Variants in SGK3 observed in about 807,000 individuals in gnomAD.
The protein encoded by SGK3 is serine/threonine-protein kinase Sgk3.
Under a neutral mutation model 68.5 loss-of-function variants are expected in SGK3, and 47 were observed. The ratio of observed to expected loss-of-function variants is 0.69; its 90% CI spans 0.54 to 0.87. SGK3 has a LOEUF of 0.87. SGK3 is among the 40% of genes least tolerant of loss of function. SGK3 has a pLI of 0.00. For missense variants in SGK3, 479 were observed against 575.5 expected (o/e 0.83, Z 1.72); for synonymous variants, 181 against 189.1 (o/e 0.96, Z 0.35).
chr8:66,832,475 T>C (rs1809341740), intron 8 of SGK3, among the ~76,000 whole-genome samples: 1 of 152,168 alleles, frequency 6.6e-6, no homozygotes, highest in Admixed American at 6.6e-5. Flanking sequence ...TCAGCAAATA[T>C]ATATTATCCA....
chr8:66,725,581 A>G (rs901828222), intron 1 of SGK3, among the ~76,000 whole-genome samples: 3 of 151,956 alleles, frequency 2.0e-5, no homozygotes, highest in Non-Finnish European at 4.4e-5. Flanking sequence ...AAATAGATCT[A>G]TATATATCTA....
At chr8:66,750,345 C>T (rs1421244612) in intron 1 of SGK3, among the ~76,000 whole-genome samples, 2 of 152,066 alleles carry the variant, frequency 1.3e-5, no homozygotes, top group African/African-American at 4.8e-5. Context: ...TCCCTTCCTT[C>T]CTAGTTCTCT....
chr8:66,812,128 T>C (rs2130637544), intron 4 of SGK3, among the ~76,000 whole-genome samples: 1 of 152,372 alleles, frequency 6.6e-6, no homozygotes, highest in East Asian at 1.9e-4. Context: ...CTATACATTA[T>C]ACCTTTATTC....
chr8:66,730,817 G>A (rs1451832055), intron 1 of SGK3, among the ~76,000 whole-genome samples: 2 of 151,332 alleles, frequency 1.3e-5, no homozygotes, highest in African/African-American at 4.9e-5. Context: ...AGCTGGGATT[G>A]CAGGTGCCCA....
At chr8:66,794,805 A>T (rs1807609390) in intron 2 of SGK3, among the ~76,000 whole-genome samples, 2 of 152,208 alleles carry the variant, frequency 1.3e-5, no homozygotes, top group African/African-American at 4.8e-5. Context: ...TCGTCCCTCT[A>T]GATCTTTGCC....
chr8:66,750,509 AT>A (rs1218805958), intron 1 of SGK3, among the ~76,000 whole-genome samples: 2 of 151,864 alleles, frequency 1.3e-5, no homozygotes, highest in African/African-American at 4.8e-5. Flanking sequence ...TTTGATGAGG[AT>A]TGGTTCGTAT....
At chr8:66,847,864 C>CTT (rs34161130) in intron 15 of SGK3, among the ~76,000 whole-genome samples, 17 of 111,130 alleles carry the variant, frequency 1.5e-4, no homozygotes, top group South Asian at 3.0e-4. Flanking sequence ...CACTAAGTCA[C>CTT]TTTTTTTTTT....
At chr8:66,816,093 G>C (rs2130650420) in intron 5 of SGK3, among the ~76,000 whole-genome samples, 1 of 150,894 alleles carries the variant, frequency 6.6e-6, no homozygotes, top group South Asian at 2.1e-4. Flanking sequence ...TCTGCCTCCT[G>C]GGTTCATGCC....
intron 1 of SGK3, among the ~76,000 whole-genome samples, chr8:66,729,252 C>T (rs1310908681): frequency 6.9e-6 from 1 of 145,460 alleles, no homozygotes; most frequent in South Asian, 2.2e-4. Context: ...GTCAGGAGAT[C>T]GAGACCATCC....
At chr8:66,801,578 C>A (rs929306560) in intron 3 of SGK3, among the ~76,000 whole-genome samples, 13 of 152,018 alleles carry the variant, frequency 8.6e-5, no homozygotes, top group Admixed American at 5.9e-4. Flanking sequence ...ACCAGGATGC[C>A]TGGGTTATGC....
rs1810068958 is a variant in SGK3 at position 66,847,185 on chromosome 8, T to C, written c.1075-8T>C. ...CACTAAGTTTATTTTGCTTTTTTTT[T>C]TTTCCAGCCTCCTTTTTATTGCCGA... is the stretch of plus-strand genomic sequence containing the variant. On this transcript the variant is annotated splice_region_variant and splice_polypyrimidine_tract_variant and intron_variant, in intron 14 of 16. Coordinates refer to ENST00000521198, the MANE Select transcript of SGK3 (RefSeq NM_001033578.3). 1 of 1,585,172 alleles carries C rather than the reference T, an allele frequency of 6.3e-7. No individual in the cohort carries two copies. Among genetic ancestry groups the C allele is most frequent in the Non-Finnish European group, 8.5e-7 (1 of 1,170,830 alleles).
Position 66,767,534 on chromosome 8 carries a change from G to A in SGK3, c.-121-26082G>A, listed in dbSNP as rs1373624785. The stretch of plus-strand genomic sequence containing the variant: ...GGTGAAGGGGGGCCCAGCTGAAACA[G>A]CTTTTCAAGCTCTCTCTCCTCATCA... On this transcript the variant is annotated intron_variant, in intron 1 of 16. Transcript: ENST00000521198. The A allele has an allele frequency of 6.6e-6, 10 of 1,512,660 alleles. No individual in the cohort carries two copies. The South Asian group carries it at 9.0e-5, about 14-fold the overall frequency. The allele number at this position is 1,512,660 out of a possible 1,614,324, so 93.7% of individuals were successfully genotyped here. A position where few individuals can be genotyped will look rare whatever the true frequency, so the allele number is the denominator to read the frequency against.
chr8:66,746,809 C>T (rs2130419247), intron 1 of SGK3, among the ~76,000 whole-genome samples: 2 of 152,076 alleles, frequency 1.3e-5, no homozygotes, highest in South Asian at 4.2e-4. Flanking sequence ...GATCCTCCCA[C>T]CTTTGTCTCG....
intron 1 of SGK3, among the ~76,000 whole-genome samples, chr8:66,730,410 T>C (rs1805116562): frequency 6.6e-6 from 1 of 152,206 alleles, no homozygotes; most frequent in Non-Finnish European, 1.5e-5. Context: ...TTCCTTTCAC[T>C]TTCTTGATTT....
chr8:66,836,778 T>TG (rs1809552105), intron 10 of SGK3, among the ~76,000 whole-genome samples: 1 of 141,512 alleles, frequency 7.1e-6, no homozygotes, highest in Non-Finnish European at 1.5e-5. Flanking sequence ...TATCTTTTTT[T>TG]TTTTTTTTTT....
At chr8:66,840,397 T>C in intron 12 of SGK3, 150 bp downstream of exon 12, 1 of 838,106 alleles carries the variant, frequency 1.2e-6, no homozygotes, top group Non-Finnish European at 1.8e-6. Context: ...GGAGAACAGA[T>C]TAGTGGTTGA....
intron 8 of SGK3, among the ~76,000 whole-genome samples, chr8:66,835,126 C>T (rs1441098685): frequency 6.6e-6 from 1 of 151,928 alleles, no homozygotes; most frequent in Non-Finnish European, 1.5e-5. Context: ...AAAAATTAGC[C>T]AGGTATGGTG....
intron 8 of SGK3, 86 bp from the exon 9 acceptor site, chr8:66,835,677 A>G: frequency 7.2e-7 from 1 of 1,389,700 alleles, no homozygotes; most frequent in Non-Finnish European, 9.7e-7. Flanking sequence ...TACAGAATTT[A>G]AGAAGTATTG....
At chr8:66,730,975 C>A (rs1805134081) in intron 1 of SGK3, among the ~76,000 whole-genome samples, 2 of 152,156 alleles carry the variant, frequency 1.3e-5, no homozygotes, top group South Asian at 4.1e-4. Flanking sequence ...GCGTGAGCCA[C>A]CACACCTGGC....
Sources: gnomAD v4.1 joint callset for allele counts (sites outside exome capture counted in the v4.1 genomes callset) on GRCh38, gnomAD v4.1.1 for gene constraint, MANE v1.5 for transcripts, NCBI Gene and HGNC (gene_info 2026-07-23, HGNC 2026-07-21) for gene names.